ZNF487: variants seen among roughly 807,000 people sequenced by gnomAD.
ZNF487 encodes the protein KRAB domain only 1.
A neutral mutation model predicts 3.0 loss-of-function variants in ZNF487; 4 were observed. The observed-to-expected ratio is 1.35, with a 90% confidence interval of 0.66 to 3.08. The LOEUF (loss-of-function observed/expected upper bound fraction) is 3.08. Among genes scored for constraint, ZNF487 ranks in the 30% most tolerant of loss-of-function variants. The pLI, the probability that ZNF487 is intolerant of heterozygous loss-of-function variation, is 0.01. For missense variants in ZNF487, 146 were observed against 98.7 expected (o/e 1.48, Z -2.03); for synonymous variants, 55 against 34.6 (o/e 1.59, Z -2.06).
chr10:43,457,738 CTT>C (rs1356997226), intron 1 of ZNF487, among the ~76,000 whole-genome samples: 1 of 147,768 alleles, frequency 6.8e-6, no homozygotes, highest in Non-Finnish European at 1.5e-5. Context: ...AGTTACAGCT[CTT>C]TGCCGGGCAG....
chr10:43,465,261 C>T (rs1337271481), intron 1 of ZNF487, among the ~76,000 whole-genome samples: 8 of 149,862 alleles, frequency 5.3e-5, no homozygotes, highest in Non-Finnish European at 7.5e-5. Context: ...ACCTCCCTCC[C>T]GGACGGGGCG....
At chr10:43,451,854 C>T (rs148910767) in intron 1 of ZNF487, 26,777 of 152,218 alleles carry the variant, frequency 0.18, 2,559 homozygotes, top group Non-Finnish European at 0.2. Context: ...CGTGAGCCAC[C>T]GCACCTGGCC....
At chr10:43,451,611 G>C (rs1346858410) in intron 1 of ZNF487, among the ~76,000 whole-genome samples, 1 of 147,090 alleles carries the variant, frequency 6.8e-6, no homozygotes, top group Non-Finnish European at 1.5e-5. Flanking sequence ...TGTTGCCCAG[G>C]CTGGAGTGCA....
chr10:43,464,209 C>T (rs1316621269), intron 1 of ZNF487, among the ~76,000 whole-genome samples: 2 of 143,628 alleles, frequency 1.4e-5, no homozygotes, highest in African/African-American at 5.2e-5. Flanking sequence ...TTTGAGACAA[C>T]GTCTCACTGT....
the ZNF487 span, among the ~76,000 whole-genome samples, chr10:43,490,130 G>A: frequency 8.8e-4 from 134 of 152,236 alleles, no homozygotes; most frequent in African/African-American, 2.8e-3. Flanking sequence ...CGGGTGGATC[G>A]CCTGAGGTCA....
chr10:43,444,842 T>G (rs1480819685), intron 1 of ZNF487, among the ~76,000 whole-genome samples: 2 of 152,140 alleles, frequency 1.3e-5, no homozygotes, highest in African/African-American at 4.8e-5. Flanking sequence ...AGTGCTGGGA[T>G]TACAGGTGTG....
At chr10:43,498,075 T>TTA in the ZNF487 span, among the ~76,000 whole-genome samples, 307 of 35,018 alleles carry the variant, frequency 8.8e-3, 11 homozygotes, top group Non-Finnish European at 0.011. Flanking sequence ...ATTTGGTATT[T>TTA]TATATATATA....
chr10:43,509,193 A>C, the ZNF487 span, among the ~76,000 whole-genome samples: 1 of 12,970 alleles, frequency 7.7e-5, no homozygotes, highest in Non-Finnish European at 4.0e-4. Flanking sequence ...GACTCTGTCC[A>C]AAAAAAAAAA....
At chr10:43,504,960 C>T in the ZNF487 span, among the ~76,000 whole-genome samples, 1 of 152,106 alleles carries the variant, frequency 6.6e-6, no homozygotes, top group Non-Finnish European at 1.5e-5. Flanking sequence ...CCCACCTAAG[C>T]CTCCCAAAGT....
intron 3 of ZNF487, among the ~76,000 whole-genome samples, chr10:43,480,436 A>G (rs1243200758): frequency 7.2e-6 from 1 of 138,804 alleles, no homozygotes; most frequent in East Asian, 2.2e-4. Context: ...TATTTTTTGA[A>G]ATGGAGTCTT....
At chr10:43,457,574 A>G (rs563632568) in intron 1 of ZNF487, among the ~76,000 whole-genome samples, 136 of 150,380 alleles carry the variant, frequency 9.0e-4, no homozygotes, top group African/African-American at 3.2e-3. Context: ...AAAAAAAAAA[A>G]AAGAAAAAGA....
intron 1 of ZNF487, among the ~76,000 whole-genome samples, chr10:43,448,213 T>A (rs893193275): frequency 2.6e-5 from 4 of 151,648 alleles, no homozygotes; most frequent in Admixed American, 6.6e-5. Context: ...ATGGTCTCGA[T>A]CTCCTGACCT....
At chr10:43,478,105 G>A (rs750210680) in intron 3 of ZNF487, among the ~76,000 whole-genome samples, 20 of 152,074 alleles carry the variant, frequency 1.3e-4, no homozygotes, top group Non-Finnish European at 2.8e-4. Flanking sequence ...GATGGATATT[G>A]TCAAATTGGA....
At chr10:43,500,820 T>TA in the ZNF487 span, among the ~76,000 whole-genome samples, 1 of 152,132 alleles carries the variant, frequency 6.6e-6, no homozygotes, top group African/African-American at 2.4e-5. Flanking sequence ...GCAAGGCCTT[T>TA]AATGGAGAAA....
chr10:43,474,364 G>A (rs969805591), intron 1 of ZNF487, among the ~76,000 whole-genome samples: 3 of 151,846 alleles, frequency 2.0e-5, no homozygotes, highest in African/African-American at 7.2e-5. Context: ...TGAAGCAGGA[G>A]AATTGCTTGA....
intron 1 of ZNF487, among the ~76,000 whole-genome samples, chr10:43,463,325 G>A (rs1452223929): frequency 6.6e-6 from 1 of 152,006 alleles, no homozygotes; most frequent in African/African-American, 2.4e-5. Context: ...ATCACCTGAG[G>A]TCATTAGTTT....
the ZNF487 span, among the ~76,000 whole-genome samples, chr10:43,498,075 T>TTTTATATATATATA: frequency 5.7e-5 from 2 of 35,024 alleles, no homozygotes; most frequent in African/African-American, 3.1e-4. Flanking sequence ...ATTTGGTATT[T>TTTTATATATATATA]TATATATATA....
intron 1 of ZNF487, among the ~76,000 whole-genome samples, chr10:43,466,888 G>A (rs186650594): frequency 2.1e-3 from 322 of 151,048 alleles, no homozygotes; most frequent in Non-Finnish European, 3.4e-3. Context: ...TTTTTTTTTT[G>A]AGACAGTTTA....
chr10:43,459,792 A>C lies in ZNF487; in HGVS notation c.-93-15929A>C, dbSNP rs974551864. ...GTTTATTATTATTATTATTATTATT[A>C]TTATTATTATTATTATTATTATTTT... On this transcript the variant is annotated intron_variant, in intron 1 of 3. Transcript: ENST00000437590. Among the ~76,000 whole-genome samples, 20 of 146,290 alleles carry C rather than the reference A, an allele frequency of 1.4e-4. No homozygotes were observed. In the East Asian group the frequency reaches 3.8e-3, roughly 28 times the overall value.
Sources: allele counts gnomAD v4.1 joint callset (sites outside exome capture counted in the v4.1 genomes callset), GRCh38; gene constraint gnomAD v4.1.1; transcripts MANE v1.5; gene names NCBI Gene and HGNC (gene_info 2026-07-23, HGNC 2026-07-21).